The following NRG1 variants were observed in gnomAD, a reference collection of about 807,000 sequenced individuals.
NRG1 encodes the protein neuregulin 1.
In NRG1, 18 loss-of-function variants were observed where a neutral mutation model predicts 63.8. That is an observed-to-expected ratio of 0.28 (90% CI 0.19 to 0.42). The LOEUF (loss-of-function observed/expected upper bound fraction) is 0.42, where lower values mean the gene tolerates loss of function less well. Among genes scored for constraint, NRG1 ranks in the 10% least tolerant of loss-of-function variants. NRG1 has a pLI of 1.00. For synonymous variants in NRG1, 302 were observed against 301.3 expected (o/e 1.00, Z -0.02); for missense variants, 762 against 814.7 (o/e 0.94, Z 0.79).
chr8:32,023,488 G>T (rs949452473), intron 1 of NRG1, among the ~76,000 whole-genome samples: 1 of 152,222 alleles, frequency 6.6e-6, no homozygotes, highest in Non-Finnish European at 1.5e-5. Context: ...TGTTCCACTT[G>T]CAGCTGCAGG....
chr8:31,766,851 T>G (rs1586254661), intron 1 of NRG1, among the ~76,000 whole-genome samples: 1 of 152,190 alleles, frequency 6.6e-6, no homozygotes, highest in East Asian at 1.9e-4. Context: ...ACGATCTTGC[T>G]CCTTGGAGCA....
At chr8:32,050,430 A>G (rs1381474200) in intron 1 of NRG1, among the ~76,000 whole-genome samples, 2 of 152,200 alleles carry the variant, frequency 1.3e-5, no homozygotes, top group East Asian at 3.9e-4. Context: ...TAGAAAATTG[A>G]CAACTAGTAT....
At chr8:32,253,926 A>G (rs995888649) in intron 1 of NRG1, among the ~76,000 whole-genome samples, 1 of 152,078 alleles carries the variant, frequency 6.6e-6, no homozygotes, top group Non-Finnish European at 1.5e-5. Flanking sequence ...GGGAGGGTGT[A>G]TGTGTCTAGG....
intron 1 of NRG1, among the ~76,000 whole-genome samples, chr8:31,682,878 A>G (rs1808483722): frequency 6.6e-6 from 1 of 152,208 alleles, no homozygotes; most frequent in Non-Finnish European, 1.5e-5. Flanking sequence ...GTGAATGATA[A>G]GAAACAGAAT....
At chr8:32,262,379 A>AC (rs894386651) in intron 1 of NRG1, among the ~76,000 whole-genome samples, 37 of 151,888 alleles carry the variant, frequency 2.4e-4, no homozygotes, top group African/African-American at 6.5e-4. Flanking sequence ...GAATCAGGAG[A>AC]CCCCCCCAAA....
chr8:31,918,571 A>C (rs963528595), intron 1 of NRG1, among the ~76,000 whole-genome samples: 13 of 152,158 alleles, frequency 8.5e-5, no homozygotes, highest in African/African-American at 2.2e-4. Context: ...CATGGTGGAT[A>C]AGCTTTTTGA....
chr8:32,317,918 G>A (rs1286910325), intron 1 of NRG1, among the ~76,000 whole-genome samples: 3 of 152,124 alleles, frequency 2.0e-5, no homozygotes, highest in African/African-American at 7.2e-5. Context: ...GAGATGCTAA[G>A]TTTCTATATG....
chr8:32,571,227 G>T (rs1198800241), intron 1 of NRG1, among the ~76,000 whole-genome samples: 2 of 152,168 alleles, frequency 1.3e-5, no homozygotes, highest in Non-Finnish European at 2.9e-5. Context: ...AATAATGGAT[G>T]CCGGGCCCTA....
chr8:32,083,658 G>T (rs1827816173), intron 1 of NRG1, among the ~76,000 whole-genome samples: 1 of 152,014 alleles, frequency 6.6e-6, no homozygotes, highest in African/African-American at 2.4e-5. Flanking sequence ...CTATCTGCAT[G>T]GTTGGAAATA....
chr8:31,639,500 C>T (rs1803522789), intron 1 of NRG1: 2 of 1,526,110 alleles, frequency 1.3e-6, no homozygotes, highest in Non-Finnish European at 1.8e-6. Flanking sequence ...AGGCACGCAA[C>T]TCCGCCTCCA....
chr8:32,068,994 C>A (rs994979988), intron 1 of NRG1, among the ~76,000 whole-genome samples: 4 of 152,088 alleles, frequency 2.6e-5, no homozygotes, highest in African/African-American at 9.7e-5. Flanking sequence ...GAACTTAAAC[C>A]GTGAGGAGGA....
chr8:32,509,628 G>T (rs1467498876), intron 1 of NRG1, among the ~76,000 whole-genome samples: 1 of 152,114 alleles, frequency 6.6e-6, no homozygotes, highest in Non-Finnish European at 1.5e-5. Context: ...TTGGTAAATT[G>T]GTTGTTTGTT....
At chr8:31,768,929 C>T (rs184521680) in intron 1 of NRG1, among the ~76,000 whole-genome samples, 2 of 152,294 alleles carry the variant, frequency 1.3e-5, no homozygotes, top group Admixed American at 6.5e-5. Flanking sequence ...TTCAATAGTG[C>T]CAGGTTCAGT....
chr8:32,730,687 C>T lies in NRG1; in HGVS notation c.632+2609C>T, dbSNP rs192861331. On this transcript the variant is annotated intron_variant, in intron 6 of 11. Coordinates refer to ENST00000356819, the Ensembl canonical transcript of NRG1. The stretch of plus-strand genomic sequence containing the variant: ...AATACAGCACAAATATGAGACATCC[C>T]CATATTTATCATAGCAAATTGGGAT... 5.0e-3 allele frequency among the ~76,000 whole-genome samples: 768 copies of T among 152,168 alleles called. 10 individuals carry two copies. The highest frequency in any genetic ancestry group is 0.018 in the African/African-American group (729 of 41,528).
intron 1 of NRG1, among the ~76,000 whole-genome samples, chr8:31,844,573 T>G (rs987555599): frequency 1.3e-5 from 2 of 152,186 alleles, no homozygotes; most frequent in Non-Finnish European, 2.9e-5. Context: ...GGGAGCTTCA[T>G]GAACTAAATT....
At chr8:32,154,371 G>A (rs1234367436) in intron 1 of NRG1, among the ~76,000 whole-genome samples, 9 of 150,580 alleles carry the variant, frequency 6.0e-5, no homozygotes, top group Admixed American at 6.6e-5. Flanking sequence ...TCCACTTCCT[G>A]CCTTCCTTTC....
At chr8:32,654,777 G>A (rs1470724629) in intron 5 of NRG1, among the ~76,000 whole-genome samples, 1 of 150,504 alleles carries the variant, frequency 6.6e-6, no homozygotes, top group Non-Finnish European at 1.5e-5. Context: ...TACTTAGAAA[G>A]AAATTAGTTC....
intron 1 of NRG1, among the ~76,000 whole-genome samples, chr8:32,312,525 G>C (rs1174101756): frequency 6.6e-6 from 1 of 151,588 alleles, no homozygotes; most frequent in Non-Finnish European, 1.5e-5. Context: ...AGTTAACCTA[G>C]GCATACTCAC....
At chr8:32,551,519 G>A (rs1834111309) in intron 1 of NRG1, among the ~76,000 whole-genome samples, 1 of 152,136 alleles carries the variant, frequency 6.6e-6, no homozygotes, top group African/African-American at 2.4e-5. Flanking sequence ...CTGTTGGAGG[G>A]AAATTTTCAG....
Sources: gnomAD v4.1 joint callset for allele counts (sites outside exome capture counted in the v4.1 genomes callset) on GRCh38, gnomAD v4.1.1 for gene constraint, MANE v1.5 for transcripts, NCBI Gene and HGNC (gene_info 2026-07-23, HGNC 2026-07-21) for gene names.